The following ABCA12 variants were observed in gnomAD, a reference collection of about 807,000 sequenced individuals.
ABCA12 encodes the protein ATP binding cassette subfamily A member 12.
ABCA12 carries 156 observed loss-of-function variants against 293.5 expected under a neutral mutation model. That is an observed-to-expected ratio of 0.53 (90% confidence interval 0.47 to 0.61). The LOEUF (loss-of-function observed/expected upper bound fraction) is 0.61. Ranked by LOEUF, ABCA12 falls within the 20% of genes least tolerant of loss-of-function variation. The pLI is 0.00. For synonymous variants in ABCA12, 1,063 were observed against 1,108.0 expected (o/e 0.96, Z 0.81); for missense variants, 2,797 against 3,090.2 (o/e 0.91, Z 2.25).
intron 2 of ABCA12, among the ~76,000 whole-genome samples, chr2:215,087,319 G>A (rs889216593): frequency 2.6e-5 from 4 of 152,102 alleles, no homozygotes; most frequent in African/African-American, 4.8e-5. Flanking sequence ...TATTCTTCAC[G>A]GATTGGAAAG....
chr2:215,058,962 T>C (rs1701475010), intron 3 of ABCA12, among the ~76,000 whole-genome samples: 1 of 152,058 alleles, frequency 6.6e-6, no homozygotes, highest in East Asian at 1.9e-4. Flanking sequence ...GTACTTCCAC[T>C]GGGTGTCTTT....
Position 215,007,844 on chromosome 2 carries a change from G to A in ABCA12, c.2475C>T (p.Ser825=). 1 of 1,613,770 alleles carries A rather than the reference G, an allele frequency of 6.2e-7. No individual in the cohort carries two copies. Among genetic ancestry groups the A allele is most frequent in the African/African-American group, 1.3e-5 (1 of 74,992 alleles). ...NPVTKAIMEK[S]NVTLRQLAEL... ...CCGCCAGCTGTCTCAGAGTTACATT[G>A]GACTTAATGACAAAGAAACAAAAGA... The change falls in exon 19 of 53, where the codon TCC becomes TCT. Residue 825 remains serine (S), a splice_region_variant and synonymous_variant. Coordinates refer to ENST00000272895, the MANE Select transcript of ABCA12 (RefSeq NM_173076.3).
intron 39 of ABCA12, among the ~76,000 whole-genome samples, chr2:214,964,589 C>T (rs1699208077): frequency 6.6e-6 from 1 of 152,004 alleles, no homozygotes; most frequent in Non-Finnish European, 1.5e-5. Context: ...CAACAGCAGG[C>T]AAGCAGAGAG....
chr2:215,022,162 G>C (rs1184546968), intron 11 of ABCA12: 1 of 152,170 alleles, frequency 6.6e-6, no homozygotes, highest in Non-Finnish European at 1.5e-5. Flanking sequence ...TGAGCTTTGA[G>C]GGTGTTGTAC....
Position 215,064,058 on chromosome 2 carries a change from G to A in ABCA12, c.317+8C>T. On this transcript the variant is annotated splice_region_variant and intron_variant, in intron 3 of 52. Transcript: ENST00000272895. ...GAACAATTGAACACACTTGAGAAGT[G>A]CCCCCACCTGTCTTTAAATAGTGCA... is the stretch of plus-strand genomic sequence containing the variant. The A allele has an allele frequency of 6.2e-7, 1 of 1,612,442 alleles. No homozygotes were observed. Among genetic ancestry groups the A allele is most frequent in the South Asian group, 1.1e-5 (1 of 91,058 alleles).
chr2:214,953,157 A>C (rs548141665), intron 44 of ABCA12, among the ~76,000 whole-genome samples: 159 of 152,370 alleles, frequency 1.0e-3, no homozygotes, highest in African/African-American at 3.7e-3. Context: ...GTAAATATTA[A>C]AGACACTTCC....
Position 215,011,635 on chromosome 2 carries a change from G to A in ABCA12, c.2136C>T (p.Ser712=), listed in dbSNP as rs752113064. The A allele has an allele frequency of 5.0e-6, 8 of 1,613,872 alleles. No individual in the cohort carries two copies. Among genetic ancestry groups the A allele is most frequent in the Middle Eastern group, 1.6e-4 (1 of 6,084 alleles). ...ATCCTTGTGGTGTGTTCATTCGGTT[G>A]CTTCTGTACATTGCCTGTGAGACAA... ...SVPLTQAMYR[S]NRMNTPQGSF... The change falls in exon 17 of 53, where the codon AGC becomes AGT. Residue 712 remains serine (S), a synonymous_variant. Coordinates refer to ENST00000272895, the MANE Select transcript of ABCA12 (RefSeq NM_173076.3).
intron 2 of ABCA12, among the ~76,000 whole-genome samples, chr2:215,079,942 G>T (rs1701905771): frequency 6.6e-6 from 1 of 152,096 alleles, no homozygotes; most frequent in Admixed American, 6.5e-5. Flanking sequence ...TAGACTAATG[G>T]CTACCATTTA....
At chr2:214,984,817 A>C (rs6721234) in intron 28 of ABCA12, among the ~76,000 whole-genome samples, 112,067 of 152,052 alleles carry the variant, frequency 0.74, 45,823 homozygotes, top group East Asian at 0.96. Flanking sequence ...CCACCTGCCT[A>C]ACCCATCACT....
At chr2:215,135,839 T>C (rs1703214375) in intron 1 of ABCA12, among the ~76,000 whole-genome samples, 1 of 152,182 alleles carries the variant, frequency 6.6e-6, no homozygotes, top group East Asian at 1.9e-4. Flanking sequence ...ATCGCACATA[T>C]ATCCTTCCCA....
In ABCA12 at chr2:214,935,779, A is replaced by G. The variant is rs148271569; in HGVS notation, c.7543-1564T>C. ...GCCACTGCACTCCAGCCTGGGCAAC[A>G]TAGCGAGACTCTGTGTCTTAAAAAA... On this transcript the variant is annotated intron_variant, in intron 51 of 52. Transcript: ENST00000272895. Among the ~76,000 whole-genome samples the G allele has an allele frequency of 4.0e-3, 605 of 152,338 alleles. 6 individuals carry two copies. The highest frequency in any genetic ancestry group is 0.014 in the African/African-American group (569 of 41,580).
At chr2:215,031,745 G>A (rs148275923) in intron 9 of ABCA12, 76 bp downstream of exon 9, 80 of 1,572,160 alleles carry the variant, frequency 5.1e-5, no homozygotes, top group South Asian at 1.3e-4. Context: ...ACTGATAAGC[G>A]AATTATGTTT....
rs188988884 is a variant in ABCA12 at position 214,939,553 on chromosome 2, A to G, written c.7437-1938T>C. The stretch of plus-strand genomic sequence containing the variant: ...GCACTGAATCTATAAATTACTTTGG[A>G]CAGTATGGCCATTTTCATGATATTG... On this transcript the variant is annotated intron_variant, in intron 50 of 52. Transcript: ENST00000272895. Among the ~76,000 whole-genome samples, 1,180 of 152,100 alleles carry G rather than the reference A, an allele frequency of 7.8e-3. 19 individuals carry two copies. The highest frequency in any genetic ancestry group is 0.027 in the African/African-American group (1,108 of 41,514).
At position 214,937,579 on chromosome 2, in the gene ABCA12, C is replaced by T. The variant is rs543222287; in HGVS notation, c.7473G>A (p.Lys2491=). ...GRGFTVKVHL[K]NNKVTMETLT... is the part of the protein sequence containing the mutation. ...GGGTCTCCATGGTCACTTTGTTATTCTTCAAGTGAACTTTGACAGTAAATC... is the reference window on the plus strand; with the variant it reads ...GGGTCTCCATGGTCACTTTGTTATTTTTCAAGTGAACTTTGACAGTAAATC... The change falls in exon 51 of 53, where the codon AAG becomes AAA. Residue 2491 remains lysine, a synonymous_variant. Transcript: ENST00000272895. 7 of 1,613,874 alleles carry T rather than the reference C, an allele frequency of 4.3e-6. No individual in the cohort carries two copies. Among genetic ancestry groups the T allele is most frequent in the Admixed American group, 1.7e-5 (1 of 59,990 alleles).
At chr2:215,032,435 G>C (rs565127434) in intron 8 of ABCA12, 173 of 171,036 alleles carry the variant, frequency 1.0e-3, no homozygotes, top group Non-Finnish European at 1.8e-3. Context: ...TAACAGAACT[G>C]CTCTGAGAGT....
chr2:214,944,964 C>G, intron 49 of ABCA12, 37 bp downstream of exon 49: 1 of 1,557,420 alleles, frequency 6.4e-7, no homozygotes, highest in South Asian at 1.1e-5. Flanking sequence ...CATCCTAAGA[C>G]TGTGTGGATT....
In ABCA12 at chr2:214,937,583, A is replaced by G. The variant is rs1425930367; in HGVS notation, c.7469T>C (p.Leu2490Ser). 1.9e-6 allele frequency: 3 copies of G among 1,613,934 alleles called. No individual in the cohort carries two copies. The highest frequency in any genetic ancestry group is 2.5e-6 in the Non-Finnish European group (3 of 1,179,876). The change falls in exon 51 of 53, where the codon TTG (leucine) becomes TCG (serine). Residue 2490 changes from leucine to serine, a missense_variant. By Grantham distance (145) the Leu-to-Ser change is moderately radical. This residue lies in a region of ABCA12 where 2,130 missense variants were observed against 2,427.0 expected (regional missense o/e 0.88). Coordinates refer to ENST00000272895, the MANE Select transcript of ABCA12 (RefSeq NM_173076.3). ...CTCCATGGTCACTTTGTTATTCTTC[A>G]AGTGAACTTTGACAGTAAATCCTCG... ...FGRGFTVKVH[L>S]KNNKVTMETL...
At chr2:215,078,011 T>C (rs1001917126) in intron 2 of ABCA12, among the ~76,000 whole-genome samples, 2 of 152,194 alleles carry the variant, frequency 1.3e-5, no homozygotes, top group African/African-American at 4.8e-5. Context: ...ACAACCTAAT[T>C]TATTTAAACG....
At chr2:214,989,484 T>C in intron 25 of ABCA12, 21 bp from the exon 26 acceptor site, 1 of 1,613,812 alleles carries the variant, frequency 6.2e-7, no homozygotes, top group Admixed American at 1.7e-5. Context: ...AACACAAGTG[T>C]TTATTCTTCT....
Sources: gnomAD v4.1 joint callset for allele counts (sites outside exome capture counted in the v4.1 genomes callset) on GRCh38, gnomAD v4.1.1 for gene constraint, gnomAD v4.1.1 regional missense constraint, MANE v1.5 for transcripts, NCBI Gene and HGNC (gene_info 2026-07-23, HGNC 2026-07-21) for gene names.